The following CSMD1 variants were observed in gnomAD, a reference collection of about 807,000 sequenced individuals.
CSMD1 encodes CUB and Sushi multiple domains 1.
In CSMD1, 213 loss-of-function variants were observed where a neutral mutation model predicts 417.5. That is an observed-to-expected ratio of 0.51 (90% CI 0.46 to 0.57). The LOEUF (loss-of-function observed/expected upper bound fraction) is 0.57. Among genes scored for constraint, CSMD1 ranks in the 20% least tolerant of loss-of-function variants. CSMD1 has a pLI of 0.00. For synonymous variants in CSMD1, 2,862 were observed against 1,736.8 expected (o/e 1.65, Z -16.11); for missense variants, 6,923 against 4,529.7 (o/e 1.53, Z -15.17).
chr8:3,893,155 T>C (rs1159935498), intron 5 of CSMD1, among the ~76,000 whole-genome samples: 1 of 151,612 alleles, frequency 6.6e-6, no homozygotes, highest in Non-Finnish European at 1.5e-5. Flanking sequence ...AAAGAGTCTT[T>C]AGCCAAAGCT....
At chr8:4,704,858 T>C (rs1025779837) in intron 1 of CSMD1, among the ~76,000 whole-genome samples, 14 of 152,172 alleles carry the variant, frequency 9.2e-5, no homozygotes, top group African/African-American at 3.1e-4. Context: ...CAAAACACCC[T>C]AGAGAAGGCT....
chr8:4,560,822 C>G lies in CSMD1; in HGVS notation c.302+76520G>C, dbSNP rs1465716691. On this transcript the variant is annotated intron_variant, in intron 2 of 69. Coordinates refer to ENST00000635120, the MANE Select transcript of CSMD1 (RefSeq NM_033225.6). ...CCTAATGATTCTGCCTGTTCCTCTTCTGTCCTTCACAAGAGATGTTCACCA... is the reference window on the plus strand; with the variant it reads ...CCTAATGATTCTGCCTGTTCCTCTTGTGTCCTTCACAAGAGATGTTCACCA... Among the ~76,000 whole-genome samples the G allele has an allele frequency of 4.6e-5, 7 of 152,208 alleles. No homozygotes were observed. In the East Asian group the frequency reaches 1.2e-3, roughly 25 times the overall value.
intron 1 of CSMD1, among the ~76,000 whole-genome samples, chr8:4,879,501 G>A: frequency 6.6e-6 from 1 of 152,058 alleles, no homozygotes; most frequent in Non-Finnish European, 1.5e-5. Context: ...TATAACATCT[G>A]CTGTTTATAA....
chr8:3,677,673 G>T (rs1799446368), intron 7 of CSMD1, among the ~76,000 whole-genome samples: 1 of 152,096 alleles, frequency 6.6e-6, no homozygotes, highest in South Asian at 2.1e-4. Context: ...ATCCTTTAGG[G>T]CTCTTTGGCC....
intron 5 of CSMD1, among the ~76,000 whole-genome samples, chr8:3,800,455 G>A (rs530030227): frequency 6.6e-6 from 1 of 152,212 alleles, no homozygotes; most frequent in East Asian, 1.9e-4. Context: ...AAAAAGTGCT[G>A]GGACAACTGG....
chr8:3,992,816 A>T (rs1403594), intron 5 of CSMD1, among the ~76,000 whole-genome samples: 32,822 of 152,192 alleles, frequency 0.22, 3,872 homozygotes, highest in South Asian at 0.36. Flanking sequence ...CACAAAAAAC[A>T]ATTCGCCCAT....
In CSMD1 at chr8:4,425,693, T is replaced by C. The variant is rs76048905; in HGVS notation, c.303-5628A>G. On this transcript the variant is annotated intron_variant, in intron 2 of 69. Coordinates refer to ENST00000635120, the MANE Select transcript of CSMD1 (RefSeq NM_033225.6). ...CCCTGCTTCTTATAAGCAACTGGCT[T>C]ATTTTCAACACATAGTAAATTACGA... Among the ~76,000 whole-genome samples, 6 of 152,258 alleles carry C rather than the reference T, an allele frequency of 3.9e-5. No individual in the cohort carries two copies. The East Asian group carries it at 9.7e-4, about 25-fold the overall frequency.
intron 1 of CSMD1, among the ~76,000 whole-genome samples, chr8:4,810,720 A>G (rs984539401): frequency 6.6e-6 from 1 of 152,266 alleles, no homozygotes; most frequent in Admixed American, 6.5e-5. Context: ...GGAAATTTTC[A>G]TAATTCATAT....
At chr8:4,788,640 C>T in intron 1 of CSMD1, 1 of 748,508 alleles carries the variant, frequency 1.3e-6, no homozygotes, top group Non-Finnish European at 2.2e-6. Context: ...TCTAATTTAG[C>T]TGAAGGAAAA....
At chr8:4,075,780 C>G (rs1336105505) in intron 3 of CSMD1, among the ~76,000 whole-genome samples, 1 of 152,064 alleles carries the variant, frequency 6.6e-6, no homozygotes, top group Admixed American at 6.5e-5. Context: ...AGCCAGGTTT[C>G]TCAAGAGGTT....
At chr8:4,402,993 TTTG>T (rs772020712) in intron 3 of CSMD1, among the ~76,000 whole-genome samples, 13 of 151,634 alleles carry the variant, frequency 8.6e-5, no homozygotes, top group South Asian at 2.1e-4. Flanking sequence ...CTAATTTTCT[TTTG>T]TTGTTGTTGT....
At chr8:3,481,128 C>A (rs1460897780) in intron 11 of CSMD1, among the ~76,000 whole-genome samples, 1 of 131,636 alleles carries the variant, frequency 7.6e-6, no homozygotes, top group Non-Finnish European at 1.5e-5. Flanking sequence ...GCACTCCAGC[C>A]TGGGCAACAG....
At chr8:4,376,165 C>A (rs558621527) in intron 3 of CSMD1, among the ~76,000 whole-genome samples, 4 of 152,166 alleles carry the variant, frequency 2.6e-5, no homozygotes, top group Non-Finnish European at 5.9e-5. Flanking sequence ...ATCAAGTGTG[C>A]TTAACAACTG....
chr8:3,377,747 CG>C (rs144007262), intron 18 of CSMD1, among the ~76,000 whole-genome samples: 1,604 of 152,274 alleles, frequency 0.011, 39 homozygotes, highest in African/African-American at 0.037. Context: ...CTACCCAAAA[CG>C]GAAACACCAG....
chr8:4,130,347 A>C (rs1803024324), intron 3 of CSMD1, among the ~76,000 whole-genome samples: 1 of 152,134 alleles, frequency 6.6e-6, no homozygotes, highest in African/African-American at 2.4e-5. Context: ...AAAGACCCCC[A>C]GTAATGGAAG....
chr8:3,840,360 G>C (rs531249578), intron 5 of CSMD1, among the ~76,000 whole-genome samples: 1 of 152,096 alleles, frequency 6.6e-6, no homozygotes, highest in Non-Finnish European at 1.5e-5. Context: ...AAACTCTAGT[G>C]CACAAATATG....
At chr8:3,626,458 T>C (rs892600882) in intron 7 of CSMD1, among the ~76,000 whole-genome samples, 3 of 152,108 alleles carry the variant, frequency 2.0e-5, no homozygotes, top group Admixed American at 1.3e-4. Flanking sequence ...TGGAAAGAAA[T>C]GGGAAAAAGT....
At chr8:4,740,604 T>A (rs905046282) in intron 1 of CSMD1, among the ~76,000 whole-genome samples, 2 of 152,166 alleles carry the variant, frequency 1.3e-5, no homozygotes, top group Non-Finnish European at 1.5e-5. Flanking sequence ...AAGCACCAAT[T>A]GATGAAATGT....
At chr8:4,128,608 G>C (rs577321008) in intron 3 of CSMD1, among the ~76,000 whole-genome samples, 8 of 152,150 alleles carry the variant, frequency 5.3e-5, no homozygotes, top group East Asian at 1.9e-4. Context: ...TTGTTACAAA[G>C]CCCATGCTTG....
Sources: gnomAD v4.1 joint callset for allele counts (sites outside exome capture counted in the v4.1 genomes callset) on GRCh38, gnomAD v4.1.1 for gene constraint, MANE v1.5 for transcripts, NCBI Gene and HGNC (gene_info 2026-07-23, HGNC 2026-07-21) for gene names.